Variants in PTPRM observed in about 807,000 individuals in gnomAD.
The protein encoded by PTPRM is protein tyrosine phosphatase receptor type M, also known as receptor-type tyrosine-protein phosphatase mu.
PTPRM carries 47 observed loss-of-function variants against 186.7 expected under a neutral mutation model. The ratio of observed to expected loss-of-function variants is 0.25; its 90% CI spans 0.20 to 0.32. The LOEUF (loss-of-function observed/expected upper bound fraction) is 0.32. Among genes scored for constraint, PTPRM ranks in the 10% least tolerant of loss-of-function variants. The pLI is 1.00. For synonymous variants in PTPRM, 668 were observed against 674.9 expected (o/e 0.99, Z 0.16); for missense variants, 1,494 against 1,865.0 (o/e 0.80, Z 3.66).
intron 14 of PTPRM, among the ~76,000 whole-genome samples, chr18:8,147,400 C>G (rs1440147394): frequency 6.6e-6 from 1 of 152,142 alleles, no homozygotes; most frequent in Non-Finnish European, 1.5e-5. Flanking sequence ...ATTTTATTCT[C>G]TCTATAGCAA....
intron 32 of PTPRM, among the ~76,000 whole-genome samples, chr18:8,395,707 G>A (rs559103656): frequency 6.6e-6 from 1 of 152,204 alleles, no homozygotes; most frequent in Admixed American, 6.5e-5. Context: ...TTCTAGAAGG[G>A]GCAGAAAGGA....
chr18:7,789,931 A>G (rs769682210), intron 2 of PTPRM, among the ~76,000 whole-genome samples: 11 of 152,224 alleles, frequency 7.2e-5, no homozygotes, highest in Non-Finnish European at 1.5e-4. Context: ...GAAATGAGGC[A>G]GTAGCTTCTT....
At chr18:7,834,246 T>C (rs763353703) in intron 2 of PTPRM, among the ~76,000 whole-genome samples, 5 of 151,980 alleles carry the variant, frequency 3.3e-5, no homozygotes, top group African/African-American at 4.8e-5. Context: ...TTTCATATGC[T>C]GAACCATCCT....
chr18:7,837,641 G>A (rs2046117886), intron 2 of PTPRM, among the ~76,000 whole-genome samples: 1 of 152,090 alleles, frequency 6.6e-6, no homozygotes, highest in Admixed American at 6.5e-5. Context: ...TTTTAGTAGA[G>A]ACAGGGTTTC....
chr18:7,587,889 T>A (rs1205027592), intron 1 of PTPRM, among the ~76,000 whole-genome samples: 2 of 152,146 alleles, frequency 1.3e-5, no homozygotes, highest in African/African-American at 4.8e-5. Flanking sequence ...AGATAAAGTC[T>A]AACATAGTTT....
At chr18:7,725,826 G>A (rs925483040) in intron 1 of PTPRM, among the ~76,000 whole-genome samples, 3 of 152,096 alleles carry the variant, frequency 2.0e-5, no homozygotes, top group Admixed American at 1.3e-4. Context: ...GTTCGTTCGT[G>A]TGACCTCATT....
chr18:8,106,772 T>C (rs890796642), intron 11 of PTPRM, among the ~76,000 whole-genome samples: 2 of 152,222 alleles, frequency 1.3e-5, no homozygotes, highest in African/African-American at 4.8e-5. Context: ...AGTCATAAAA[T>C]ATTAGCGCCT....
intron 7 of PTPRM, among the ~76,000 whole-genome samples, chr18:7,972,191 C>T (rs142760741): frequency 1.6e-5 from 2 of 128,978 alleles, no homozygotes; most frequent in Non-Finnish European, 3.1e-5. Context: ...AACCATCATT[C>T]TCAGTAAACT....
At chr18:7,591,445 T>TC (rs1231922152) in intron 1 of PTPRM, among the ~76,000 whole-genome samples, 4 of 151,848 alleles carry the variant, frequency 2.6e-5, no homozygotes, top group African/African-American at 9.7e-5. Flanking sequence ...TATCCCTAAG[T>TC]CCCCTACTCC....
intron 19 of PTPRM, among the ~76,000 whole-genome samples, chr18:8,278,341 T>C (rs1300282610): frequency 2.0e-5 from 3 of 152,140 alleles, no homozygotes; most frequent in African/African-American, 7.2e-5. Context: ...AAGAAGGAAG[T>C]TGTAGGATAA....
At chr18:7,779,963 A>G (rs927944482) in intron 2 of PTPRM, among the ~76,000 whole-genome samples, 1 of 152,166 alleles carries the variant, frequency 6.6e-6, no homozygotes, top group Admixed American at 6.5e-5. Flanking sequence ...CTAGAAAACC[A>G]CATTTTCCCA....
chr18:7,866,052 G>C (rs1450907800), intron 2 of PTPRM, among the ~76,000 whole-genome samples: 1 of 151,986 alleles, frequency 6.6e-6, no homozygotes, highest in Non-Finnish European at 1.5e-5. Context: ...ATTTTTTATT[G>C]CTTCCATTTG....
intron 2 of PTPRM, among the ~76,000 whole-genome samples, chr18:7,863,053 G>A (rs912365617): frequency 8.5e-5 from 13 of 152,084 alleles, no homozygotes; most frequent in Admixed American, 3.9e-4. Context: ...AATAAGATTC[G>A]TTCTCACAAT....
At chr18:8,392,361 A>G (rs1444950105) in intron 31 of PTPRM, among the ~76,000 whole-genome samples, 1 of 152,184 alleles carries the variant, frequency 6.6e-6, no homozygotes, top group Non-Finnish European at 1.5e-5. Flanking sequence ...GCGGTGGCTC[A>G]CACCTGTAAT....
rs554463881 is a variant in PTPRM, at chr18:8,261,403, A to G, written c.2754+7989A>G. ...AGCCAGGTCCATAAGAAAATGATAA[A>G]CACTTCTAGAACTCTGAAATTTTGA... On this transcript the variant is annotated intron_variant, in intron 19 of 32. Coordinates refer to ENST00000580170, the MANE Select transcript of PTPRM (RefSeq NM_001105244.2). Among the ~76,000 whole-genome samples the G allele has an allele frequency of 1.3e-4, 20 of 152,288 alleles. No homozygotes were observed. In the South Asian group the frequency reaches 4.1e-3, roughly 32 times the overall value.
At chr18:7,750,742 C>T (rs961501278) in intron 1 of PTPRM, among the ~76,000 whole-genome samples, 7 of 152,190 alleles carry the variant, frequency 4.6e-5, no homozygotes, top group South Asian at 2.1e-4. Flanking sequence ...TCTTTGCTTT[C>T]GTATGAGTAC....
intron 14 of PTPRM, among the ~76,000 whole-genome samples, chr18:8,241,929 G>A (rs1459192237): frequency 6.6e-6 from 1 of 152,062 alleles, no homozygotes; most frequent in African/African-American, 2.4e-5. Context: ...GGCTTCTTTT[G>A]TGCTTAAAGA....
intron 7 of PTPRM, among the ~76,000 whole-genome samples, chr18:7,959,438 A>AT (rs1359500674): frequency 1.3e-5 from 2 of 152,072 alleles, no homozygotes; most frequent in African/African-American, 2.4e-5. Flanking sequence ...CTGTCCTATC[A>AT]TTTTTTGGTG....
At chr18:7,601,101 G>C (rs995055310) in intron 1 of PTPRM, among the ~76,000 whole-genome samples, 2 of 152,226 alleles carry the variant, frequency 1.3e-5, no homozygotes, top group African/African-American at 4.8e-5. Flanking sequence ...GCTTTCCTAG[G>C]ACAGAAGGAT....
Sources: allele counts gnomAD v4.1 joint callset (sites outside exome capture counted in the v4.1 genomes callset), GRCh38; gene constraint gnomAD v4.1.1; transcripts MANE v1.5; gene names NCBI Gene and HGNC (gene_info 2026-07-23, HGNC 2026-07-21).